NUP133: variants seen among roughly 807,000 people sequenced by gnomAD.
The protein encoded by NUP133 is nuclear pore complex protein Nup133.
Under a neutral mutation model 146.2 loss-of-function variants are expected in NUP133, and 66 were observed. The ratio of observed to expected loss-of-function variants is 0.45; its 90% CI spans 0.37 to 0.55. The LOEUF (loss-of-function observed/expected upper bound fraction) is 0.55. NUP133 is among the 20% of genes least tolerant of loss of function. NUP133 has a pLI of 0.00. For synonymous variants in NUP133, 521 were observed against 498.8 expected, an observed-to-expected ratio of 1.04 and a Z score of -0.59; for missense variants, 1,277 against 1,374.8, an observed-to-expected ratio of 0.93 and a Z score of 1.12.
chr1:229,502,184 G>C, intron 2 of NUP133, 82 bp from the exon 3 acceptor site: 1 of 1,010,074 alleles, frequency 9.9e-7, no homozygotes, highest in Non-Finnish European at 1.5e-6. Flanking sequence ...AAAGTAATTG[G>C]CACACTCAGA....
intron 6 of NUP133, among the ~76,000 whole-genome samples, chr1:229,497,302 C>T (rs1029894114): frequency 2.0e-5 from 3 of 152,044 alleles, no homozygotes; most frequent in African/African-American, 7.2e-5. Context: ...AGGTTTTATA[C>T]CTGGGTCACT....
chr1:229,485,564 A>T (rs540967769), intron 11 of NUP133, among the ~76,000 whole-genome samples: 26 of 152,338 alleles, frequency 1.7e-4, no homozygotes, highest in African/African-American at 6.0e-4. Context: ...CAATATTTAC[A>T]TTGTCATTAC....
At chr1:229,488,236 A>G (rs1232586542) in intron 9 of NUP133, among the ~76,000 whole-genome samples, 1 of 152,196 alleles carries the variant, frequency 6.6e-6, no homozygotes, top group Admixed American at 6.5e-5. Context: ...CAAAGGAGAA[A>G]ATGAAAGCAC....
intron 15 of NUP133, among the ~76,000 whole-genome samples, chr1:229,469,167 A>G (rs1377438704): frequency 1.3e-5 from 2 of 152,246 alleles, no homozygotes; most frequent in Admixed American, 1.3e-4. Context: ...AATTTCACAG[A>G]GCTCAGGGAA....
At chr1:229,501,679 G>A (rs1571941637) in intron 3 of NUP133, among the ~76,000 whole-genome samples, 1 of 152,118 alleles carries the variant, frequency 6.6e-6, no homozygotes, top group South Asian at 2.1e-4. Context: ...CAAACTCAAA[G>A]TTCATTTGCT....
At chr1:229,473,580 G>T (rs1661007059) in intron 14 of NUP133, among the ~76,000 whole-genome samples, 1 of 152,182 alleles carries the variant, frequency 6.6e-6, no homozygotes. Context: ...TGCCGGCCCA[G>T]TATGCATATC....
At chr1:229,481,269 A>T (rs1661206029) in intron 12 of NUP133, among the ~76,000 whole-genome samples, 1 of 152,152 alleles carries the variant, frequency 6.6e-6, no homozygotes, top group Non-Finnish European at 1.5e-5. Flanking sequence ...ACATCTTAAG[A>T]TGACTACACC....
At chr1:229,457,176 C>A (rs1043517583) in intron 21 of NUP133, among the ~76,000 whole-genome samples, 2 of 151,792 alleles carry the variant, frequency 1.3e-5, no homozygotes, top group African/African-American at 4.8e-5. Flanking sequence ...TTATGGGGTA[C>A]AATGTGATGC....
At chr1:229,474,987 C>G (rs1220822286) in intron 14 of NUP133, among the ~76,000 whole-genome samples, 1 of 152,026 alleles carries the variant, frequency 6.6e-6, no homozygotes, top group Admixed American at 6.6e-5. Flanking sequence ...AACCTGTAGT[C>G]CCAGCTACCC....
chr1:229,499,147 G>A, intron 5 of NUP133: 1 of 467,108 alleles, frequency 2.1e-6, no homozygotes, highest in Non-Finnish European at 4.4e-6. Context: ...CAATCCTTCC[G>A]CTTCAGCCAT....
At chr1:229,442,745 A>T (rs1184672032) in intron 25 of NUP133, among the ~76,000 whole-genome samples, 5 of 134,720 alleles carry the variant, frequency 3.7e-5, no homozygotes, top group African/African-American at 1.4e-4. Flanking sequence ...GCGGAGTCTC[A>T]CTCTGCTGGC....
chr1:229,507,393 TAA>T (rs1362369901), intron 1 of NUP133, among the ~76,000 whole-genome samples: 1 of 152,138 alleles, frequency 6.6e-6, no homozygotes, highest in African/African-American at 2.4e-5. Context: ...GCAGAAACAC[TAA>T]AGTTTTAGGT....
At chr1:229,501,646 AG>A (rs1661800645) in intron 3 of NUP133, among the ~76,000 whole-genome samples, 1 of 152,258 alleles carries the variant, frequency 6.6e-6, no homozygotes, top group Non-Finnish European at 1.5e-5. Flanking sequence ...AACAAAACAT[AG>A]TTCTGTCTTC....
At chr1:229,476,725 A>C (rs1014938902) in intron 13 of NUP133, among the ~76,000 whole-genome samples, 59 of 152,132 alleles carry the variant, frequency 3.9e-4, no homozygotes, top group African/African-American at 1.4e-3. Flanking sequence ...GGAGTTCAAG[A>C]CCAGCCTGGC....
chr1:229,503,220 T>C (rs143042633), intron 2 of NUP133, among the ~76,000 whole-genome samples: 3,440 of 151,548 alleles, frequency 0.023, 130 homozygotes, highest in African/African-American at 0.079. Flanking sequence ...AGAGGTTGCA[T>C]TGAGCTGAGA....
At chr1:229,472,790 G>A (rs1411370563) in intron 14 of NUP133, among the ~76,000 whole-genome samples, 1 of 150,464 alleles carries the variant, frequency 6.6e-6, no homozygotes. Context: ...TGTAAGGTAT[G>A]GAAACACAAT....
chr1:229,491,860 G>A (rs1271908427), intron 8 of NUP133, among the ~76,000 whole-genome samples: 4 of 152,098 alleles, frequency 2.6e-5, no homozygotes, highest in East Asian at 3.9e-4. Flanking sequence ...CAGGAGGATC[G>A]CTTGAGCCCA....
rs75411588 is a variant in NUP133, at chr1:229,500,814, C to T, written c.455G>A (p.Ser152Asn). 8,767 of 1,613,044 alleles carry T rather than the reference C, an allele frequency of 5.4e-3. 347 individuals carry two copies. The African/African-American group carries it at 0.091, about 17-fold the overall frequency. ...LQLPPSDFHW[S>N]ADLVALSYSS... ...GTAAGAAAGAGCCACTAAGTCGGCA[C>T]TCCAGTGGAAATCACTAGGTGGCAG... Residue 152 changes from serine to asparagine, a missense_variant, in exon 4 of 26, where the codon AGT (serine) becomes AAT (asparagine). Physicochemically the swap from Ser to Asn is conservative, Grantham distance 46. This residue lies in a region of NUP133 where 319 missense variants were observed against 306.9 expected (regional missense o/e 1.04). Coordinates refer to ENST00000261396, the MANE Select transcript of NUP133 (RefSeq NM_018230.3).
chr1:229,508,138 G>C lies in NUP133; in HGVS notation c.112C>G (p.Pro38Ala). ...GGGGAGCTGACTGCAGACCCCAGGGGCAGACCCTTCCTGCTAGCCGTCCGG... is the reference window on the plus strand; with the variant it reads ...GGGGAGCTGACTGCAGACCCCAGGGCCAGACCCTTCCTGCTAGCCGTCCGG... ...TPRTASRKGLPLGSAVSSPVL... is the reference protein window; with the variant it reads ...TPRTASRKGLALGSAVSSPVL... The change falls in exon 1 of 26, where the codon CCC (proline) becomes GCC (alanine). Residue 38 changes from proline (P) to alanine (A), a missense_variant. Physicochemically the swap from Pro to Ala is conservative, Grantham distance 27 (BLOSUM62 -1). Coordinates refer to ENST00000261396, the MANE Select transcript of NUP133 (RefSeq NM_018230.3). 6.3e-7 allele frequency: 1 copy of C among 1,596,660 alleles called. No individual in the cohort carries two copies. Among genetic ancestry groups the C allele is most frequent in the Non-Finnish European group, 8.5e-7 (1 of 1,173,132 alleles).
Sources: gnomAD v4.1 joint callset for allele counts (sites outside exome capture counted in the v4.1 genomes callset) on GRCh38, gnomAD v4.1.1 for gene constraint, gnomAD v4.1.1 regional missense constraint, MANE v1.5 for transcripts, NCBI Gene and HGNC (gene_info 2026-07-23, HGNC 2026-07-21) for gene names.